The following KDM1A variants were observed in gnomAD, a reference collection of about 807,000 sequenced individuals.
The protein encoded by KDM1A is lysine demethylase 1A.
Under a neutral mutation model 109.4 loss-of-function variants are expected in KDM1A, and 49 were observed. The observed-to-expected ratio is 0.45, with a 90% CI of 0.36 to 0.57. The LOEUF (loss-of-function observed/expected upper bound fraction) is 0.57, where lower values mean the gene tolerates loss of function less well. KDM1A is among the 20% of genes least tolerant of loss of function. KDM1A has a pLI of 0.00. For synonymous variants in KDM1A, 380 were observed against 415.4 expected, an observed-to-expected ratio of 0.91 and a Z score of 1.04; for missense variants, 668 against 1,116.6, an observed-to-expected ratio of 0.60 and a Z score of 5.73.
At chr1:23,053,527 A>G (rs975861155) in intron 4 of KDM1A, among the ~76,000 whole-genome samples, 9 of 152,180 alleles carry the variant, frequency 5.9e-5, no homozygotes, top group African/African-American at 2.2e-4. Context: ...CTGGGACTAC[A>G]GGCATGTGCC....
At chr1:23,077,711 G>GT (rs1226220243) in intron 16 of KDM1A, among the ~76,000 whole-genome samples, 1 of 152,164 alleles carries the variant, frequency 6.6e-6, no homozygotes, top group Non-Finnish European at 1.5e-5. Context: ...TGGTGACCCA[G>GT]TGAGTTTGGA....
At position 23,055,152 on chromosome 1, in the gene KDM1A, C is replaced by A. The variant is rs1420046052; in HGVS notation, c.874C>A (p.Pro292Thr). ...INFGIYKRIK[P>T]LPTKKTGKVI... ...CTTCGGCATCTATAAGAGGATAAAACCCCTACCAAGTAAGGACCTCCTACC... is the reference window on the plus strand; with the variant it reads ...CTTCGGCATCTATAAGAGGATAAAAACCCTACCAAGTAAGGACCTCCTACC... Residue 292 changes from proline (P) to threonine (T), a missense_variant, in exon 6 of 21, where the codon CCC (proline) becomes ACC (threonine). By Grantham distance (38) the Pro-to-Thr change is conservative (BLOSUM62 -1). Coordinates refer to ENST00000400181, the MANE Select transcript of KDM1A (RefSeq NM_001009999.3). 2 of 1,603,522 alleles carry A rather than the reference C, an allele frequency of 1.2e-6. No individual in the cohort carries two copies. Among genetic ancestry groups the A allele is most frequent in the South Asian group, 2.2e-5 (2 of 89,582 alleles).
In KDM1A at chr1:23,057,688, G is replaced by T. The variant is rs151200492; in HGVS notation, c.1072+123G>T. On this transcript the variant is annotated intron_variant, in intron 8 of 20. Coordinates refer to ENST00000400181, the MANE Select transcript of KDM1A (RefSeq NM_001009999.3). Reference sequence around the variant, plus strand: ...ATAGTCATCTTCCGTTTAGTGAGAGGTATAGCAGTATGTGGAAAATGTAAA... The same window carrying T: ...ATAGTCATCTTCCGTTTAGTGAGAGTTATAGCAGTATGTGGAAAATGTAAA... 594 of 606,224 alleles carry T rather than the reference G, an allele frequency of 9.8e-4. 4 individuals are homozygous for T. The highest frequency in any genetic ancestry group is 9.3e-3 in the African/African-American group (500 of 53,640). The allele number at this position is 606,224 out of a possible 1,614,324, so 37.6% of individuals were successfully genotyped here.
intron 3 of KDM1A, among the ~76,000 whole-genome samples, chr1:23,048,255 T>C (rs377133824): frequency 6.2e-4 from 94 of 152,254 alleles, no homozygotes; most frequent in African/African-American, 2.1e-3. Flanking sequence ...TTTTGTTTTG[T>C]TTTCAGTTTT....
chr1:23,041,075 A>G (rs1018022910), intron 2 of KDM1A, among the ~76,000 whole-genome samples: 1 of 152,196 alleles, frequency 6.6e-6, no homozygotes, highest in African/African-American at 2.4e-5. Flanking sequence ...GATTTTATAT[A>G]TATCATAATC....
In KDM1A at chr1:23,083,233, A is replaced by G. The variant is rs1468534928; in HGVS notation, c.2500A>G (p.Thr834Ala). The G allele has an allele frequency of 6.2e-7, 1 of 1,613,874 alleles. No homozygotes were observed. Reference protein sequence around the residue: ...GEHTIRNYPATVHGALLSGLR... With the variant: ...GEHTIRNYPAAVHGALLSGLR... ...ACATACGATCCGTAACTACCCAGCC[A>G]CAGTGCATGGTGCTCTGCTGAGTGG... Residue 834 changes from threonine (T) to alanine (A), a missense_variant, in exon 21 of 21, where the codon ACA becomes GCA. Transcript: ENST00000400181.
chr1:23,030,488 A>G lies in KDM1A; in HGVS notation c.371A>G (p.Asp124Gly). The change falls in exon 2 of 21, where the codon GAT becomes GGT. Residue 124 changes from aspartate (D) to glycine (G), a missense_variant. By Grantham distance (94) the Asp-to-Gly change is moderately conservative. This residue lies in a region of KDM1A where 15 missense variants were observed against 52.7 expected (regional missense o/e 0.28). Coordinates refer to ENST00000400181, the MANE Select transcript of KDM1A (RefSeq NM_001009999.3). Reference protein sequence around the residue: ...KRAKVEYREMDESLANLSEDE... With the variant: ...KRAKVEYREMGESLANLSEDE... ...ATATAGGTAGAGTACAGAGAGATGG[A>G]TGAAAGCTTGGCCAACCTCTCAGAA... The G allele has an allele frequency of 6.3e-7, 1 of 1,595,572 alleles. No homozygotes were observed. Among genetic ancestry groups the G allele is most frequent in the Non-Finnish European group, 8.5e-7 (1 of 1,174,422 alleles).
intron 14 of KDM1A, 82 bp from the exon 15 acceptor site, chr1:23,073,210 A>G: frequency 1.3e-6 from 1 of 741,250 alleles, no homozygotes; most frequent in East Asian, 2.5e-5. Context: ...AGGTTCTGAC[A>G]CAGTTACTGA....
At chr1:23,067,894 G>A (rs1643201440) in intron 10 of KDM1A, among the ~76,000 whole-genome samples, 1 of 152,206 alleles carries the variant, frequency 6.6e-6, no homozygotes, top group African/African-American at 2.4e-5. Context: ...TCAATGAGGA[G>A]CCAGACCTTC....
At chr1:23,082,944 CAT>C in intron 20 of KDM1A, 1 of 425,158 alleles carries the variant, frequency 2.4e-6, no homozygotes, top group South Asian at 3.7e-5. Flanking sequence ...GATGAGAACA[CAT>C]GTTAAGCATC....
chr1:23,081,315 C>T (rs779585009), intron 18 of KDM1A, 131 bp from the exon 19 acceptor site: 9 of 1,009,822 alleles, frequency 8.9e-6, no homozygotes, highest in Non-Finnish European at 1.3e-5. Flanking sequence ...TCTGTCTCTT[C>T]GCATTTGAAT....
chr1:23,022,404 C>T (rs1003364358), intron 1 of KDM1A, among the ~76,000 whole-genome samples: 4 of 151,488 alleles, frequency 2.6e-5, no homozygotes, highest in Non-Finnish European at 4.4e-5. Flanking sequence ...GGCATGACCT[C>T]GGCTCACTGC....
chr1:23,041,881 C>T (rs1278456578), intron 2 of KDM1A, among the ~76,000 whole-genome samples: 1 of 151,856 alleles, frequency 6.6e-6, no homozygotes, highest in Non-Finnish European at 1.5e-5. Context: ...TAATTCCTTT[C>T]TTCAAAACCA....
At position 23,019,521 on chromosome 1, in the gene KDM1A, C is replaced by A; in HGVS notation, c.-76C>A. 1 of 1,314,090 alleles carries A rather than the reference C, an allele frequency of 7.6e-7. No homozygotes were observed. The highest frequency in any genetic ancestry group is 9.7e-7 in the Non-Finnish European group (1 of 1,031,974). 81.4% of individuals were successfully genotyped at this position (1,314,090 alleles called of 1,614,324 possible). Reference sequence around the variant, plus strand: ...GGCGCGCGGGCAGCGTGAAGCGAGGCGAGGCAAGGCTTTTCGGACCCACGG... The same window carrying A: ...GGCGCGCGGGCAGCGTGAAGCGAGGAGAGGCAAGGCTTTTCGGACCCACGG... On this transcript the variant is annotated 5_prime_UTR_variant, in exon 1 of 21. Transcript: ENST00000400181.
rs1643571889 is a variant in KDM1A at position 23,079,995 on chromosome 1, T to G, written c.2170+328T>G. 6.6e-6 allele frequency among the ~76,000 whole-genome samples: 1 copy of G among 152,182 alleles called. No individual in the cohort carries two copies. The highest frequency in any genetic ancestry group is 1.5e-5 in the Non-Finnish European group (1 of 68,026). The stretch of plus-strand genomic sequence containing the variant: ...TACCAGGGGAAGCTTGCGTTCTCAT[T>G]CTCAGACTGACTTGCCCCTGATTCT... On this transcript the variant is annotated intron_variant, in intron 18 of 20. Transcript: ENST00000400181. The surrounding 1 kb of genome is among the most constrained non-coding windows in gnomAD (Gnocchi z 5.6).
At chr1:23,059,368 C>T (rs767674544) in intron 9 of KDM1A, 2 of 656,844 alleles carry the variant, frequency 3.0e-6, no homozygotes, top group Non-Finnish European at 5.7e-6. Flanking sequence ...TGTATATATA[C>T]ACATTTACCT....
intron 3 of KDM1A, among the ~76,000 whole-genome samples, chr1:23,046,763 G>A (rs928444852): frequency 2.0e-5 from 3 of 152,218 alleles, no homozygotes; most frequent in Non-Finnish European, 4.4e-5. Flanking sequence ...CTGCTTTAGA[G>A]TGACTGCATT....
At position 23,071,249 on chromosome 1, in the gene KDM1A, A is replaced by C; in HGVS notation, c.1438A>C (p.Lys480Gln). 6.3e-7 allele frequency: 1 copy of C among 1,598,704 alleles called. No individual in the cohort carries two copies. Among genetic ancestry groups the C allele is most frequent in the South Asian group, 1.1e-5 (1 of 87,666 alleles). Reference protein sequence around the residue: ...NKMVNLKEKIKELHQQYKEAS... With the variant: ...NKMVNLKEKIQELHQQYKEAS... ...GATGGTAAATTTGAAAGAGAAAATT[A>C]AAGAACTCCATCAGCAATACAAAGA... Residue 480 changes from lysine (K) to glutamine (Q), a missense_variant, in exon 13 of 21, where the codon AAA (lysine) becomes CAA (glutamine). This residue lies in a region of KDM1A where 62 missense variants were observed against 82.8 expected (regional missense o/e 0.75). Coordinates refer to ENST00000400181, the MANE Select transcript of KDM1A (RefSeq NM_001009999.3).
In KDM1A at chr1:23,019,839, A is replaced by G. The variant is rs1641558307; in HGVS notation, c.243A>G (p.Ala81=). ...PGGLAEPPGS[A]GPQAGPTVVP... ...GCCTGGCGGAACCGCCGGGGTCCGC[A>G]GGGCCTCAGGCCGGCCCTACTGTCG... The change falls in exon 1 of 21, where the codon GCA becomes GCG. Residue 81 remains alanine, a synonymous_variant. Coordinates refer to ENST00000400181, the MANE Select transcript of KDM1A (RefSeq NM_001009999.3). 2 of 1,457,178 alleles carry G rather than the reference A, an allele frequency of 1.4e-6. No individual in the cohort carries two copies. The highest frequency in any genetic ancestry group is 1.5e-5 in the African/African-American group (1 of 66,804). 90.3% of individuals were successfully genotyped at this position (1,457,178 alleles called of 1,614,324 possible). A position where few individuals can be genotyped will look rare whatever the true frequency, so the allele number is the denominator to read the frequency against.
Sources: gnomAD v4.1 joint callset for allele counts (sites outside exome capture counted in the v4.1 genomes callset) on GRCh38, gnomAD v4.1.1 for gene constraint, gnomAD v4.1.1 regional missense constraint, Gnocchi (gnomAD v3.1) non-coding constraint, MANE v1.5 for transcripts, NCBI Gene and HGNC (gene_info 2026-07-23, HGNC 2026-07-21) for gene names.